Variants in CNTNAP5 observed in about 807,000 individuals in gnomAD.
CNTNAP5 encodes the protein contactin associated protein family member 5.
CNTNAP5 carries 72 observed loss-of-function variants against 150.2 expected under a neutral mutation model. That is an observed-to-expected ratio of 0.48 (90% CI 0.40 to 0.58). The LOEUF (loss-of-function observed/expected upper bound fraction) is 0.58, where lower values mean the gene tolerates loss of function less well. Among genes scored for constraint, CNTNAP5 ranks in the 20% least tolerant of loss-of-function variants. CNTNAP5 has a pLI of 0.00. For missense variants in CNTNAP5, 1,636 were observed against 1,626.2 expected, an observed-to-expected ratio of 1.01 and a Z score of -0.10; for synonymous variants, 672 against 619.8, an observed-to-expected ratio of 1.08 and a Z score of -1.25.
chr2:124,043,855 G>A (rs1681456803), intron 1 of CNTNAP5, among the ~76,000 whole-genome samples: 2 of 152,126 alleles, frequency 1.3e-5, no homozygotes, highest in Non-Finnish European at 2.9e-5. Flanking sequence ...ATGTAAATCA[G>A]TCTCTTTACT....
chr2:124,073,440 A>C (rs1558745721), intron 1 of CNTNAP5, among the ~76,000 whole-genome samples: 1 of 152,174 alleles, frequency 6.6e-6, no homozygotes, highest in African/African-American at 2.4e-5. Flanking sequence ...AAAGTGTGAC[A>C]ACATATTTGC....
At chr2:124,838,237 T>C (rs1198402374) in intron 19 of CNTNAP5, among the ~76,000 whole-genome samples, 1 of 152,132 alleles carries the variant, frequency 6.6e-6, no homozygotes. Context: ...GAAGTAGAAG[T>C]AGATACTATG....
At chr2:124,627,304 A>G (rs1677747584) in intron 12 of CNTNAP5, among the ~76,000 whole-genome samples, 1 of 152,158 alleles carries the variant, frequency 6.6e-6, no homozygotes, top group African/African-American at 2.4e-5. Flanking sequence ...AGGGGTCACC[A>G]GAAACCACAG....
intron 12 of CNTNAP5, among the ~76,000 whole-genome samples, chr2:124,619,427 G>A (rs1384995213): frequency 2.0e-5 from 3 of 152,150 alleles, no homozygotes; most frequent in Admixed American, 1.3e-4. Context: ...GGAAGCTTGG[G>A]TTGATAAAAC....
chr2:124,760,611 G>A (rs1014139182), intron 14 of CNTNAP5, among the ~76,000 whole-genome samples: 7 of 151,990 alleles, frequency 4.6e-5, no homozygotes, highest in African/African-American at 1.7e-4. Context: ...ATTATTTTTG[G>A]TCATACTAAA....
At chr2:124,469,396 A>AT (rs1039321513) in intron 6 of CNTNAP5, among the ~76,000 whole-genome samples, 2 of 152,078 alleles carry the variant, frequency 1.3e-5, no homozygotes, top group Non-Finnish European at 2.9e-5. Flanking sequence ...TAGAGCATTA[A>AT]TTTTTTTGAA....
intron 1 of CNTNAP5, among the ~76,000 whole-genome samples, chr2:124,183,768 A>G (rs528562458): frequency 6.6e-6 from 1 of 152,320 alleles, no homozygotes; most frequent in South Asian, 2.1e-4. Flanking sequence ...GGAATCTCTC[A>G]AAGGCTGGGA....
At chr2:124,569,253 T>A (rs1041461358) in intron 11 of CNTNAP5, among the ~76,000 whole-genome samples, 2 of 152,172 alleles carry the variant, frequency 1.3e-5, no homozygotes, top group African/African-American at 4.8e-5. Context: ...TTACCTTCTC[T>A]GACATTATTG....
intron 20 of CNTNAP5, among the ~76,000 whole-genome samples, chr2:124,868,154 C>A (rs528869700): frequency 6.6e-6 from 1 of 152,252 alleles, no homozygotes; most frequent in South Asian, 2.1e-4. Flanking sequence ...GGTTCCCTGG[C>A]TGTCTATCCT....
intron 22 of CNTNAP5, among the ~76,000 whole-genome samples, chr2:124,909,018 G>C (rs1678599161): frequency 6.6e-6 from 1 of 152,032 alleles, no homozygotes; most frequent in African/African-American, 2.4e-5. Flanking sequence ...GTTATAGTAA[G>C]CTAAGGATAA....
intron 13 of CNTNAP5, among the ~76,000 whole-genome samples, chr2:124,655,370 A>T (rs961563186): frequency 6.6e-6 from 1 of 152,100 alleles, no homozygotes; most frequent in Non-Finnish European, 1.5e-5. Context: ...TATATGTGCC[A>T]CATTTTCTTA....
rs181060027 is a variant in CNTNAP5 at position 124,281,324 on chromosome 2, A to G, written c.381+38931A>G. On this transcript the variant is annotated intron_variant, in intron 3 of 23. Coordinates refer to ENST00000682447, the MANE Select transcript of CNTNAP5 (RefSeq NM_001367498.1). The stretch of plus-strand genomic sequence containing the variant: ...CTACGAAAATAAACATATTCTTTAA[A>G]CTTTAAGTAAATTAATTGAAATTAA... Among the ~76,000 whole-genome samples, 340 of 152,264 alleles carry G rather than the reference A, an allele frequency of 2.2e-3. 1 individual carries two copies. The highest frequency in any genetic ancestry group is 7.9e-3 in the African/African-American group (329 of 41,562).
intron 3 of CNTNAP5, among the ~76,000 whole-genome samples, chr2:124,261,020 A>T (rs1282621147): frequency 6.6e-6 from 1 of 152,148 alleles, no homozygotes; most frequent in East Asian, 1.9e-4. Context: ...TTGTGGGTGG[A>T]AATACACCTC....
intron 11 of CNTNAP5, among the ~76,000 whole-genome samples, chr2:124,592,110 C>G (rs758682750): frequency 2.0e-5 from 3 of 152,056 alleles, no homozygotes; most frequent in Non-Finnish European, 4.4e-5. Flanking sequence ...GTTTATTCAA[C>G]TAGTCCTCAA....
At chr2:124,425,152 C>G (rs973672616) in intron 4 of CNTNAP5, among the ~76,000 whole-genome samples, 1 of 152,090 alleles carries the variant, frequency 6.6e-6, no homozygotes, top group South Asian at 2.1e-4. Flanking sequence ...AGTGATTGAC[C>G]GTGACTCCCC....
chr2:124,905,422 C>T lies in CNTNAP5; in HGVS notation c.3655+2322C>T, dbSNP rs142138383. Among the ~76,000 whole-genome samples the T allele has an allele frequency of 3.0e-3, 450 of 152,068 alleles. 2 individuals are homozygous for T. Among genetic ancestry groups the T allele is most frequent in the African/African-American group, 9.6e-3 (398 of 41,518 alleles). On this transcript the variant is annotated intron_variant, in intron 22 of 23. Transcript: ENST00000682447. The stretch of plus-strand genomic sequence containing the variant: ...TCGAATCCTATTTCTGAATATGTAA[C>T]GAAAATAAATTAAATCAGCCTTTCT...
intron 11 of CNTNAP5, among the ~76,000 whole-genome samples, chr2:124,571,666 A>C (rs1043379334): frequency 6.7e-6 from 1 of 150,330 alleles, no homozygotes; most frequent in Non-Finnish European, 1.5e-5. Flanking sequence ...CCGAGTAGCT[A>C]GGATTACAGG....
intron 5 of CNTNAP5, among the ~76,000 whole-genome samples, chr2:124,440,611 A>G (rs1692649747): frequency 6.6e-6 from 1 of 152,152 alleles, no homozygotes; most frequent in Non-Finnish European, 1.5e-5. Flanking sequence ...GGAGGAGAAT[A>G]AACTGGTAAA....
At chr2:124,605,450 A>C (rs1362868289) in intron 11 of CNTNAP5, among the ~76,000 whole-genome samples, 1 of 152,202 alleles carries the variant, frequency 6.6e-6, no homozygotes, top group Non-Finnish European at 1.5e-5. Flanking sequence ...AAAAGAAAAT[A>C]TTAAATTTCA....
Sources: allele counts gnomAD v4.1 joint callset (sites outside exome capture counted in the v4.1 genomes callset), GRCh38; gene constraint gnomAD v4.1.1; transcripts MANE v1.5; gene names NCBI Gene and HGNC (gene_info 2026-07-23, HGNC 2026-07-21).